The following DYNC2H1 variants were observed in gnomAD, a reference collection of about 807,000 sequenced individuals.
DYNC2H1 encodes the protein dynein cytoplasmic 2 heavy chain 1.
Under a neutral mutation model 570.0 loss-of-function variants are expected in DYNC2H1, and 410 were observed. The observed-to-expected ratio is 0.72, with a 90% CI of 0.66 to 0.78. The LOEUF (loss-of-function observed/expected upper bound fraction) is 0.78. Ranked by LOEUF, DYNC2H1 falls within the 30% of genes least tolerant of loss-of-function variation. The pLI is 0.00. For missense variants in DYNC2H1, 4,865 were observed against 5,046.4 expected, an observed-to-expected ratio of 0.96 and a Z score of 1.09; for synonymous variants, 1,688 against 1,677.6, an observed-to-expected ratio of 1.01 and a Z score of -0.15.
intron 87 of DYNC2H1, among the ~76,000 whole-genome samples, chr11:103,466,066 G>T (rs549376197): frequency 6.6e-6 from 1 of 152,024 alleles, no homozygotes; most frequent in African/African-American, 2.4e-5. Context: ...AGTTGAGACA[G>T]TATGGTGCTG....
intron 47 of DYNC2H1, among the ~76,000 whole-genome samples, chr11:103,192,800 G>A (rs1461505900): frequency 6.6e-6 from 1 of 152,100 alleles, no homozygotes; most frequent in Non-Finnish European, 1.5e-5. Context: ...ACTATCGTGG[G>A]AGTAATGTAT....
rs1030393465 is a variant in DYNC2H1 at position 103,454,979 on chromosome 11, A to G, written c.12457-207A>G. On this transcript the variant is annotated intron_variant, in intron 85 of 88. Transcript: ENST00000375735. ...GATTTTTACCAACAAACAATTGTGC[A>G]AGGAATCGTATTTAAGATGGATGGA... 3.8e-5 allele frequency: 18 copies of G among 473,996 alleles called. No individual in the cohort carries two copies. The South Asian group carries it at 7.6e-4, about 20-fold the overall frequency. 29.4% of individuals were successfully genotyped at this position (473,996 alleles called of 1,614,324 possible).
chr11:103,441,946 T>C (rs1487143477), intron 85 of DYNC2H1, among the ~76,000 whole-genome samples: 1 of 152,116 alleles, frequency 6.6e-6, no homozygotes, highest in African/African-American at 2.4e-5. Flanking sequence ...TAACTCATCT[T>C]AGTAACTTTC....
rs1402485763 is a variant in DYNC2H1 at position 103,257,834 on chromosome 11, T to G, written c.10605+83T>G. 2.4e-6 allele frequency: 3 copies of G among 1,247,284 alleles called. No homozygotes were observed. The African/African-American group carries it at 4.6e-5, about 19-fold the overall frequency. 77.3% of individuals were successfully genotyped at this position (1,247,284 alleles called of 1,614,324 possible). On this transcript the variant is annotated intron_variant, in intron 69 of 88. Transcript: ENST00000375735. ...ATAGTACTTAATTTATAATAAAAATTATTAAGCAAACTTTCATAGAATTAT... is the reference window on the plus strand; with the variant it reads ...ATAGTACTTAATTTATAATAAAAATGATTAAGCAAACTTTCATAGAATTAT...
At chr11:103,344,487 A>T (rs143786463) in intron 82 of DYNC2H1, among the ~76,000 whole-genome samples, 5 of 152,248 alleles carry the variant, frequency 3.3e-5, no homozygotes, top group East Asian at 1.9e-4. Flanking sequence ...CACCTGCTAC[A>T]CTTCCCTTGA....
In DYNC2H1 at chr11:103,473,770, G is replaced by T. The variant is rs189173828; in HGVS notation, c.12765+5065G>T. On this transcript the variant is annotated intron_variant, in intron 88 of 88. Transcript: ENST00000375735. ...CAGTTTGCCTTTGCTCTATCTTCCT[G>T]GAAATAATGCTCCTGAGAGTTTATC... is the stretch of plus-strand genomic sequence containing the variant. Among the ~76,000 whole-genome samples the T allele has an allele frequency of 1.9e-3, 296 of 152,268 alleles. 1 individual carries two copies. The highest frequency in any genetic ancestry group is 0.017 in the Middle Eastern group (5 of 294).
Position 103,299,518 on chromosome 11 carries a change from T to A in DYNC2H1, c.11096-3575T>A, listed in dbSNP as rs1866963426. Among the ~76,000 whole-genome samples the A allele has an allele frequency of 2.6e-5, 4 of 152,132 alleles. No individual in the cohort carries two copies. The highest frequency in any genetic ancestry group is 5.9e-5 in the Non-Finnish European group (4 of 68,006). On this transcript the variant is annotated intron_variant, in intron 75 of 88. Coordinates refer to ENST00000375735, the MANE Select transcript of DYNC2H1 (RefSeq NM_001377.3). The surrounding 1 kb of genome is among the most constrained non-coding windows in gnomAD (Gnocchi z 4.5). ...GTGAGGTCCCCATTTTCTTTCTGTCTTTTGGTGTCATTCTCAGCTTTTGGA... is the reference window on the plus strand; with the variant it reads ...GTGAGGTCCCCATTTTCTTTCTGTCATTTGGTGTCATTCTCAGCTTTTGGA...
At position 103,181,962 on chromosome 11, in the gene DYNC2H1, T is replaced by C; in HGVS notation, c.6477+76T>C. The C allele has an allele frequency of 1.3e-6, 2 of 1,493,448 alleles. No homozygotes were observed. The highest frequency in any genetic ancestry group is 9.1e-7 in the Non-Finnish European group (1 of 1,104,032). 92.5% of individuals were successfully genotyped at this position (1,493,448 alleles called of 1,614,324 possible). On this transcript the variant is annotated intron_variant, in intron 40 of 88. Coordinates refer to ENST00000375735, the MANE Select transcript of DYNC2H1 (RefSeq NM_001377.3). This position sits in a 1 kb window ranked among gnomAD's most constrained non-coding sequence, Gnocchi z 5.0. ...AGAGTGATGCTTATTTTAACTTCCT[T>C]GTGGTAGAACTCTGCTGGAATGTGG... is the stretch of plus-strand genomic sequence containing the variant.
chr11:103,156,246 A>G lies in DYNC2H1; in HGVS notation c.3745-142A>G, dbSNP rs928781658. On this transcript the variant is annotated intron_variant, in intron 25 of 88. Transcript: ENST00000375735. ...CAGTAATTTTCTTGAGTTGCATGTA[A>G]AATAGAGCCACTTAACTTTTTTTTT... is the stretch of plus-strand genomic sequence containing the variant. The G allele has an allele frequency of 1.7e-4, 128 of 762,250 alleles. No homozygotes were observed. The African/African-American group carries it at 2.1e-3, about 13-fold the overall frequency. The allele number at this position is 762,250 out of a possible 1,614,324, so 47.2% of individuals were successfully genotyped here.
rs919399925 is a variant in DYNC2H1 at position 103,254,892 on chromosome 11, C to T, written c.10207-523C>T. ...GTTTAAGCTATTCTCCTGCCTCAGC[C>T]TCCCGAGTAGCTGGGATTACAGGCG... On this transcript the variant is annotated intron_variant, in intron 66 of 88. Coordinates refer to ENST00000375735, the MANE Select transcript of DYNC2H1 (RefSeq NM_001377.3). The surrounding 1 kb of genome is among the most constrained non-coding windows in gnomAD (Gnocchi z 4.9). 6.6e-6 allele frequency among the ~76,000 whole-genome samples: 1 copy of T among 152,108 alleles called. No individual in the cohort carries two copies. Among genetic ancestry groups the T allele is most frequent in the Non-Finnish European group, 1.5e-5 (1 of 68,028 alleles).
intron 70 of DYNC2H1, among the ~76,000 whole-genome samples, chr11:103,270,863 G>A (rs1865685002): frequency 6.6e-6 from 1 of 152,124 alleles, no homozygotes; most frequent in Admixed American, 6.5e-5. Context: ...TTGACTGTAG[G>A]TAACTGAATC....
Position 103,280,957 on chromosome 11 carries a change from T to G in DYNC2H1, c.10761+544T>G, listed in dbSNP as rs1016514079. Among the ~76,000 whole-genome samples the G allele has an allele frequency of 6.6e-6, 1 of 152,012 alleles. No individual in the cohort carries two copies. Among genetic ancestry groups the G allele is most frequent in the African/African-American group, 2.4e-5 (1 of 41,422 alleles). ...AACTTTAAAAGGACCTCCCTTGAGC[T>G]GGAGCTAACGAGACCATTTCTTGTC... On this transcript the variant is annotated intron_variant, in intron 71 of 88. Coordinates refer to ENST00000375735, the MANE Select transcript of DYNC2H1 (RefSeq NM_001377.3). This position sits in a 1 kb window ranked among gnomAD's most constrained non-coding sequence, Gnocchi z 4.7.
intron 85 of DYNC2H1, among the ~76,000 whole-genome samples, chr11:103,449,531 G>A (rs1259704642): frequency 6.6e-6 from 1 of 152,052 alleles, no homozygotes; most frequent in Admixed American, 6.6e-5. Context: ...TAAAGAATGA[G>A]GTCAAGAATT....
intron 83 of DYNC2H1, among the ~76,000 whole-genome samples, chr11:103,392,513 C>G (rs1437455216): frequency 2.6e-5 from 4 of 152,216 alleles, no homozygotes; most frequent in African/African-American, 9.6e-5. Flanking sequence ...GTCCGACAAT[C>G]CGCAGTGAGA....
chr11:103,359,955 A>G (rs2566909), intron 83 of DYNC2H1, among the ~76,000 whole-genome samples: 102,851 of 151,842 alleles, frequency 0.68, 34,908 homozygotes, highest in Admixed American at 0.73. Context: ...GTGAGCCACC[A>G]CGCCCAGCCC....
intron 78 of DYNC2H1, among the ~76,000 whole-genome samples, chr11:103,308,524 G>T (rs1867408980): frequency 6.6e-6 from 1 of 152,192 alleles, no homozygotes; most frequent in Non-Finnish European, 1.5e-5. Flanking sequence ...CCAGAAGTGG[G>T]ATTGCTGCAT....
intron 53 of DYNC2H1, among the ~76,000 whole-genome samples, 159 bp from the exon 54 acceptor site, chr11:103,211,630 A>G (rs1863157164): frequency 6.6e-6 from 1 of 152,154 alleles, no homozygotes; most frequent in African/African-American, 2.4e-5. Flanking sequence ...ATAGTTGTCT[A>G]GGAATGCCTG....
intron 86 of DYNC2H1, 124 bp from the exon 87 acceptor site, chr11:103,456,151 G>A: frequency 1.5e-6 from 1 of 689,044 alleles, no homozygotes; most frequent in South Asian, 3.3e-5. Flanking sequence ...TAGTTTAATG[G>A]TATTATTATT....
rs766925047 is a variant in DYNC2H1, at chr11:103,241,646, C to A, written c.9820-2047C>A. 105 of 1,023,468 alleles carry A rather than the reference C, an allele frequency of 1.0e-4. No homozygotes were observed. The highest frequency in any genetic ancestry group is 1.4e-4 in the Non-Finnish European group (101 of 697,870). The allele number at this position is 1,023,468 out of a possible 1,614,324, so 63.4% of individuals were successfully genotyped here. On this transcript the variant is annotated intron_variant, in intron 63 of 88. Transcript: ENST00000375735. The surrounding 1 kb of genome is among the most constrained non-coding windows in gnomAD (Gnocchi z 5.1). ...ATTGAATGCTAGCATAAAATTAGAT[C>A]AAAAACCTAGGTGCAGCACCATGGT...
Sources: allele counts gnomAD v4.1 joint callset (sites outside exome capture counted in the v4.1 genomes callset), GRCh38; gene constraint gnomAD v4.1.1; non-coding constraint Gnocchi (gnomAD v3.1); transcripts MANE v1.5; gene names NCBI Gene and HGNC (gene_info 2026-07-23, HGNC 2026-07-21).